Variants in TBCA observed in about 807,000 individuals in gnomAD.
TBCA encodes tubulin-specific chaperone A.
In TBCA, 6 loss-of-function variants were observed where a neutral mutation model predicts 15.8. The ratio of observed to expected loss-of-function variants is 0.38; its 90% confidence interval spans 0.21 to 0.75. The LOEUF (loss-of-function observed/expected upper bound fraction) is 0.75. Among genes scored for constraint, TBCA ranks in the 30% least tolerant of loss-of-function variants. The pLI, the probability that TBCA is intolerant of heterozygous loss-of-function variation, is 0.46. For synonymous variants in TBCA, 32 were observed against 42.3 expected, an observed-to-expected ratio of 0.76 and a Z score of 0.94; for missense variants, 90 against 131.2, an observed-to-expected ratio of 0.69 and a Z score of 1.53.
At chr5:77,725,988 C>T (rs183433617) in intron 1 of TBCA, among the ~76,000 whole-genome samples, 63 of 152,176 alleles carry the variant, frequency 4.1e-4, no homozygotes, top group African/African-American at 1.5e-3. Context: ...CTGTGTTTTC[C>T]CAAAGTTAAT....
chr5:77,745,462 T>A (rs1290117043), intron 1 of TBCA, among the ~76,000 whole-genome samples: 1 of 152,220 alleles, frequency 6.6e-6, no homozygotes, highest in African/African-American at 2.4e-5. Context: ...ATTACAAGTA[T>A]CACAAATTTC....
intron 1 of TBCA, among the ~76,000 whole-genome samples, chr5:77,750,375 A>C (rs1747295230): frequency 6.6e-6 from 1 of 152,132 alleles, no homozygotes; most frequent in Non-Finnish European, 1.5e-5. Context: ...ATATTTATCA[A>C]GATTTCTTTT....
chr5:77,775,896 G>GCCCTCGCAGGCCGCGGCCCA (rs1561288746), intron 1 of TBCA, among the ~76,000 whole-genome samples: 1 of 152,134 alleles, frequency 6.6e-6, no homozygotes. Context: ...GGCCCGGCCC[G>GCCCTCGCAGGCCGCGGCCCA]CCCTCGCAGG....
chr5:77,744,531 C>CTTTTTTTTTTTTTTTT (rs70991305), intron 1 of TBCA, among the ~76,000 whole-genome samples: 1 of 82,968 alleles, frequency 1.2e-5, no homozygotes, highest in Non-Finnish European at 2.2e-5. Flanking sequence ...TCTTATTCAC[C>CTTTTTTTTTTTTTTTT]TTTTTTTTTT....
At chr5:77,768,920 C>A (rs918407737) in intron 1 of TBCA, among the ~76,000 whole-genome samples, 2 of 152,172 alleles carry the variant, frequency 1.3e-5, no homozygotes, top group African/African-American at 4.8e-5. Flanking sequence ...TACAGATTTT[C>A]AAAATTTCCA....
At chr5:77,715,037 C>T (rs774138505) in intron 1 of TBCA, among the ~76,000 whole-genome samples, 3 of 151,970 alleles carry the variant, frequency 2.0e-5, no homozygotes, top group African/African-American at 4.8e-5. Context: ...GAGAAAAAGC[C>T]GTGAAGGAGG....
intron 1 of TBCA, among the ~76,000 whole-genome samples, chr5:77,735,261 C>T (rs1746872779): frequency 6.6e-6 from 1 of 152,170 alleles, no homozygotes; most frequent in South Asian, 2.1e-4. Context: ...AAATTTTACT[C>T]AGATTGGCAA....
chr5:77,748,315 C>T (rs1415730577), intron 1 of TBCA, among the ~76,000 whole-genome samples: 1 of 151,628 alleles, frequency 6.6e-6, no homozygotes, highest in South Asian at 2.1e-4. Context: ...CTGGGTAATC[C>T]TGAGCAAACT....
intron 1 of TBCA, among the ~76,000 whole-genome samples, chr5:77,758,027 G>A (rs1747516839): frequency 2.0e-5 from 3 of 152,276 alleles, no homozygotes; most frequent in Admixed American, 2.0e-4. Flanking sequence ...TTTCAGATCA[G>A]GAGCAGAAGT....
At chr5:77,751,159 C>CTTTTTTTTTTT (rs10573352) in intron 1 of TBCA, among the ~76,000 whole-genome samples, 2 of 81,932 alleles carry the variant, frequency 2.4e-5, no homozygotes, top group African/African-American at 4.5e-5. Context: ...TTCTTTCTTT[C>CTTTTTTTTTTT]TTTTTTTTTT....
At chr5:77,743,233 G>A (rs1002871374) in intron 1 of TBCA, among the ~76,000 whole-genome samples, 5 of 152,206 alleles carry the variant, frequency 3.3e-5, no homozygotes, top group Non-Finnish European at 7.3e-5. Flanking sequence ...GCGGTTAGAG[G>A]TATGGACTAA....
chr5:77,691,623 T>G (rs1745750690), intron 3 of TBCA, 125 bp from the exon 4 acceptor site: 1 of 1,415,526 alleles, frequency 7.1e-7, no homozygotes, highest in African/African-American at 1.5e-5. Flanking sequence ...ATCCCAAGCC[T>G]CATCTAAATA....
chr5:77,752,366 T>C (rs1747366922), intron 1 of TBCA, among the ~76,000 whole-genome samples: 1 of 152,164 alleles, frequency 6.6e-6, no homozygotes, highest in Non-Finnish European at 1.5e-5. Flanking sequence ...ATTTTTTCCT[T>C]CCTTCCTTCC....
At chr5:77,693,171 C>T (rs764360051) in intron 3 of TBCA, 95 bp downstream of exon 3, 62 of 1,548,174 alleles carry the variant, frequency 4.0e-5, no homozygotes, top group Non-Finnish European at 4.7e-5. Context: ...GAAATACTGC[C>T]AACTAGTTCT....
chr5:77,743,037 T>C (rs371219479), intron 1 of TBCA, among the ~76,000 whole-genome samples: 3 of 152,162 alleles, frequency 2.0e-5, no homozygotes, highest in Non-Finnish European at 4.4e-5. Flanking sequence ...CCATCTTCTA[T>C]CAATATGCTA....
chr5:77,719,539 T>C (rs1331809180), intron 1 of TBCA, among the ~76,000 whole-genome samples: 1 of 152,212 alleles, frequency 6.6e-6, no homozygotes, highest in Non-Finnish European at 1.5e-5. Context: ...AGTTTCTCAG[T>C]AACCATTAAT....
chr5:77,761,409 T>C (rs1309615569), intron 1 of TBCA, among the ~76,000 whole-genome samples: 1 of 152,150 alleles, frequency 6.6e-6, no homozygotes, highest in Non-Finnish European at 1.5e-5. Flanking sequence ...GTGCAAGATG[T>C]GCTTTGTTAA....
At chr5:77,692,724 C>T (rs998651475) in intron 3 of TBCA, 3 of 989,738 alleles carry the variant, frequency 3.0e-6, no homozygotes, top group African/African-American at 3.5e-5. Context: ...TTATTTCCTG[C>T]TTTATCTACC....
chr5:77,728,648 T>C (rs978224377), intron 1 of TBCA, among the ~76,000 whole-genome samples: 7 of 152,224 alleles, frequency 4.6e-5, no homozygotes, highest in African/African-American at 1.7e-4. Context: ...GATGTTCAAA[T>C]TCTCTGCTTA....
Sources: allele counts gnomAD v4.1 joint callset (sites outside exome capture counted in the v4.1 genomes callset), GRCh38; gene constraint gnomAD v4.1.1; transcripts MANE v1.5; gene names NCBI Gene and HGNC (gene_info 2026-07-23, HGNC 2026-07-21).